The following EVI5 variants were observed in gnomAD, a reference collection of about 807,000 sequenced individuals.
The protein encoded by EVI5 is ecotropic viral integration site 5, also known as ecotropic viral integration site 5 protein homolog.
Under a neutral mutation model 112.0 loss-of-function variants are expected in EVI5, and 73 were observed. The ratio of observed to expected loss-of-function variants is 0.65; its 90% CI spans 0.54 to 0.79. The LOEUF (loss-of-function observed/expected upper bound fraction) is 0.79. Ranked by LOEUF, EVI5 falls within the 30% of genes least tolerant of loss-of-function variation. The probability of loss-of-function intolerance (pLI) is 0.00; values close to 1 mark genes in which losing one functional copy is unlikely to be tolerated. For missense variants in EVI5, 900 were observed against 968.8 expected (o/e 0.93, Z 0.94); for synonymous variants, 305 against 319.9 (o/e 0.95, Z 0.50).
At position 92,511,824 on chromosome 1, in the gene EVI5, T is replaced by C. The variant is rs1659207355; in HGVS notation, c.*1832A>G. On this transcript the variant is annotated 3_prime_UTR_variant, in exon 20 of 20. Transcript: ENST00000684568. ...AAGCAAATAGCTACAAAAACCTTGC[T>C]GGAAAGCCTAGTCCACAACGTACCT... is the stretch of plus-strand genomic sequence containing the variant. 1 of 152,202 alleles carries C rather than the reference T, an allele frequency of 6.6e-6. No homozygotes were observed. The highest frequency in any genetic ancestry group is 6.5e-5 in the Admixed American group (1 of 15,282). 9.4% of individuals were successfully genotyped at this position (152,202 alleles called of 1,614,324 possible). A position where few individuals can be genotyped will look rare whatever the true frequency, so the allele number is the denominator to read the frequency against.
At chr1:92,626,973 A>C (rs1446362021) in intron 14 of EVI5, among the ~76,000 whole-genome samples, 1 of 152,242 alleles carries the variant, frequency 6.6e-6, no homozygotes, top group Non-Finnish European at 1.5e-5. Context: ...ATTGATTCAA[A>C]TGAAATGACT....
At chr1:92,578,728 A>G (rs556930095) in intron 18 of EVI5, among the ~76,000 whole-genome samples, 13 of 152,082 alleles carry the variant, frequency 8.5e-5, no homozygotes, top group South Asian at 2.1e-4. Flanking sequence ...AAAAAAAAAA[A>G]AAAAGAAAAG....
At position 92,565,948 on chromosome 1, in the gene EVI5, C is replaced by CAAAAAAAAAAAAAA. The variant is rs71586755; in HGVS notation, c.2071-2225_2071-2212dup. Among the ~76,000 whole-genome samples, 191 of 51,846 alleles carry CAAAAAAAAAAAAAA rather than the reference C, an allele frequency of 3.7e-3. 25 individuals carry two copies. Among genetic ancestry groups the CAAAAAAAAAAAAAA allele is most frequent in the Middle Eastern group, 0.043 (2 of 46 alleles). The allele number at this position is 51,846 out of a possible 152,430, so 34.0% of individuals were successfully genotyped here. The stretch of plus-strand genomic sequence containing the variant: ...TTGCGCCACTGCATTCCAGCCCGAG[C>CAAAAAAAAAAAAAA]AAAAAAAAAAAAAAAAAAAAGAAAT... On this transcript the variant is annotated intron_variant, in intron 18 of 19. Transcript: ENST00000684568.
intron 7 of EVI5, among the ~76,000 whole-genome samples, chr1:92,694,737 C>A (rs148662799): frequency 7.9e-5 from 12 of 152,180 alleles, no homozygotes; most frequent in Admixed American, 3.3e-4. Flanking sequence ...CAACTGTGAT[C>A]TGAACTAATT....
intron 10 of EVI5, among the ~76,000 whole-genome samples, chr1:92,667,991 T>C (rs1665222992): frequency 6.6e-6 from 1 of 152,160 alleles, no homozygotes; most frequent in South Asian, 2.1e-4. Flanking sequence ...CCCACCTTCC[T>C]ATAAATTTCT....
chr1:92,783,449 T>C (rs1437158033), intron 1 of EVI5, among the ~76,000 whole-genome samples: 4 of 110,202 alleles, frequency 3.6e-5, no homozygotes, highest in Admixed American at 1.1e-4. Flanking sequence ...CAGGAGAATA[T>C]ATCCAGCCTA....
intron 14 of EVI5, among the ~76,000 whole-genome samples, chr1:92,631,580 G>C (rs988841509): frequency 1.3e-5 from 2 of 152,134 alleles, no homozygotes; most frequent in African/African-American, 4.8e-5. Flanking sequence ...GAGATTCTGG[G>C]CTGAGATGAT....
chr1:92,692,411 G>A (rs1280548774), intron 9 of EVI5, among the ~76,000 whole-genome samples: 3 of 152,134 alleles, frequency 2.0e-5, no homozygotes, highest in Non-Finnish European at 2.9e-5. Flanking sequence ...AAGGCACAGC[G>A]GCTTTTTGTC....
chr1:92,521,687 G>A (rs1660962770), intron 19 of EVI5, among the ~76,000 whole-genome samples: 1 of 144,194 alleles, frequency 6.9e-6, no homozygotes, highest in Non-Finnish European at 1.5e-5. Context: ...GTGAGACTCC[G>A]TCTCAAAAAA....
At position 92,771,597 on chromosome 1, in the gene EVI5, A is replaced by G. The variant is rs114679358; in HGVS notation, c.-82+13239T>C. On this transcript the variant is annotated intron_variant, in intron 1 of 19. Transcript: ENST00000684568. Reference sequence around the variant, plus strand: ...CAATTCCTTGGATAAGGAATATATCAATTTTCTTTTCTTTTTTTTTTTTTT... The same window carrying G: ...CAATTCCTTGGATAAGGAATATATCGATTTTCTTTTCTTTTTTTTTTTTTT... 1.7e-3 allele frequency among the ~76,000 whole-genome samples: 203 copies of G among 119,874 alleles called. 1 individual carries two copies. The highest frequency in any genetic ancestry group is 0.014 in the Middle Eastern group (3 of 222). The allele number at this position is 119,874 out of a possible 152,430, so 78.6% of individuals were successfully genotyped here.
At chr1:92,653,843 G>A (rs955021933) in intron 13 of EVI5, among the ~76,000 whole-genome samples, 12 of 152,208 alleles carry the variant, frequency 7.9e-5, no homozygotes, top group African/African-American at 2.7e-4. Context: ...TGGCTCTCAG[G>A]TACATTGCAG....
At position 92,702,150 on chromosome 1, in the gene EVI5, C is replaced by G. The variant is rs1172995268; in HGVS notation, c.630G>C (p.Leu210Phe). The stretch of plus-strand genomic sequence containing the variant: ...ACTTATATTAACTTACCTGCATAAG[C>G]AACAATCCAACTATAAAAGCACTTC... ...CQGSAFIVGL[L>F]LMQMPEEEAF... Residue 210 changes from leucine (L) to phenylalanine (F), a missense_variant, in exon 5 of 20, where the codon TTG (leucine) becomes TTC (phenylalanine). By Grantham distance (22) the Leu-to-Phe change is conservative. Coordinates refer to ENST00000684568, the MANE Select transcript of EVI5 (RefSeq NM_001350197.2). 1 of 1,483,634 alleles carries G rather than the reference C, an allele frequency of 6.7e-7. No individual in the cohort carries two copies. The highest frequency in any genetic ancestry group is 1.5e-5 in the African/African-American group (1 of 67,470). The allele number at this position is 1,483,634 out of a possible 1,614,324, so 91.9% of individuals were successfully genotyped here.
intron 1 of EVI5, among the ~76,000 whole-genome samples, chr1:92,780,134 G>A (rs1684678641): frequency 6.6e-6 from 1 of 152,204 alleles, no homozygotes; most frequent in South Asian, 2.1e-4. Flanking sequence ...GTTCTCACGA[G>A]ATCTGATGGT....
chr1:92,534,494 C>T (rs1663470639), intron 19 of EVI5, among the ~76,000 whole-genome samples: 1 of 152,100 alleles, frequency 6.6e-6, no homozygotes, highest in Non-Finnish European at 1.5e-5. Flanking sequence ...GCAAAAAGAA[C>T]AAAGCTGAAG....
At chr1:92,646,581 G>A (rs1363665808) in intron 13 of EVI5, among the ~76,000 whole-genome samples, 1 of 152,192 alleles carries the variant, frequency 6.6e-6, no homozygotes, top group Non-Finnish European at 1.5e-5. Context: ...CACAGGCTCA[G>A]CGCCAAGAAA....
intron 1 of EVI5, among the ~76,000 whole-genome samples, chr1:92,742,035 A>T (rs1678491120): frequency 6.6e-6 from 1 of 152,154 alleles, no homozygotes; most frequent in Non-Finnish European, 1.5e-5. Flanking sequence ...GAAAAATGAA[A>T]GCAAATATTT....
At position 92,699,957 on chromosome 1, in the gene EVI5, AGAG is replaced by A. The variant is rs891368809; in HGVS notation, c.640-1975_640-1973del. Among the ~76,000 whole-genome samples, 9 of 152,288 alleles carry A rather than the reference AGAG, an allele frequency of 5.9e-5. 1 individual carries two copies. Among genetic ancestry groups the A allele is most frequent in the Admixed American group, 3.9e-4 (6 of 15,286 alleles). On this transcript the variant is annotated intron_variant, in intron 5 of 19. Coordinates refer to ENST00000684568, the MANE Select transcript of EVI5 (RefSeq NM_001350197.2). ...TTGCAATAGCATTGATATGGGAACTAGAGGAGAATTTTTTTTAATGGCAACATT... is the reference window on the plus strand; with the variant it reads ...TTGCAATAGCATTGATATGGGAACTAGAGAATTTTTTTTAATGGCAACATT...
intron 1 of EVI5, among the ~76,000 whole-genome samples, chr1:92,743,635 A>G (rs1678791484): frequency 6.6e-6 from 1 of 152,164 alleles, no homozygotes; most frequent in African/African-American, 2.4e-5. Flanking sequence ...TTAATTATAG[A>G]CTTAAAATGG....
chr1:92,691,175 C>T (rs1669445965), intron 9 of EVI5, among the ~76,000 whole-genome samples: 1 of 152,006 alleles, frequency 6.6e-6, no homozygotes, highest in Admixed American at 6.6e-5. Flanking sequence ...TTTGGCACAA[C>T]TGAGGAAATG....
Sources: allele counts gnomAD v4.1 joint callset (sites outside exome capture counted in the v4.1 genomes callset), GRCh38; gene constraint gnomAD v4.1.1; transcripts MANE v1.5; gene names NCBI Gene and HGNC (gene_info 2026-07-23, HGNC 2026-07-21).